The following TCERG1L variants were observed in gnomAD, a reference collection of about 807,000 sequenced individuals.
TCERG1L encodes the protein transcription elongation regulator 1-like protein.
A neutral mutation model predicts 56.3 loss-of-function variants in TCERG1L; 37 were observed. That is an observed-to-expected ratio of 0.66 (90% CI 0.51 to 0.87). The LOEUF (loss-of-function observed/expected upper bound fraction) is 0.87. TCERG1L is among the 40% of genes least tolerant of loss of function. TCERG1L has a pLI of 0.00. For synonymous variants in TCERG1L, 324 were observed against 326.3 expected, an observed-to-expected ratio of 0.99 and a Z score of 0.08; for missense variants, 799 against 774.2, an observed-to-expected ratio of 1.03 and a Z score of -0.38.
chr10:131,288,150 T>G (rs1846566039), intron 3 of TCERG1L, among the ~76,000 whole-genome samples: 1 of 152,172 alleles, frequency 6.6e-6, no homozygotes, highest in Non-Finnish European at 1.5e-5. Flanking sequence ...CCTGCCAGTC[T>G]CTGAAGGCTT....
intron 4 of TCERG1L, among the ~76,000 whole-genome samples, chr10:131,174,083 G>A (rs1846120911): frequency 6.6e-6 from 1 of 152,142 alleles, no homozygotes; most frequent in Non-Finnish European, 1.5e-5. Flanking sequence ...AGGGTCCTCT[G>A]GTCCATCCCC....
At chr10:131,265,750 A>G (rs547967292) in intron 3 of TCERG1L, among the ~76,000 whole-genome samples, 1 of 152,398 alleles carries the variant, frequency 6.6e-6, no homozygotes, top group Non-Finnish European at 1.5e-5. Context: ...TTGCTAAAAA[A>G]TATTAGAGAT....
intron 6 of TCERG1L, among the ~76,000 whole-genome samples, chr10:131,146,930 G>C (rs1845801821): frequency 6.6e-6 from 1 of 152,192 alleles, no homozygotes; most frequent in South Asian, 2.1e-4. Context: ...AGCTCATCAA[G>C]GTCACAGGCA....
intron 9 of TCERG1L, among the ~76,000 whole-genome samples, chr10:131,114,605 G>A (rs1845437671): frequency 6.6e-6 from 1 of 152,120 alleles, no homozygotes; most frequent in Non-Finnish European, 1.5e-5. Flanking sequence ...GGGGTAAAAA[G>A]GCCCTGAAAA....
At chr10:131,147,386 G>A (rs1237940242) in intron 6 of TCERG1L, among the ~76,000 whole-genome samples, 1 of 152,340 alleles carries the variant, frequency 6.6e-6, no homozygotes, top group African/African-American at 2.4e-5. Flanking sequence ...TAAGGAATGC[G>A]GGTCCGGGAG....
chr10:131,255,578 T>C (rs112162957), intron 4 of TCERG1L, among the ~76,000 whole-genome samples: 3,165 of 152,356 alleles, frequency 0.021, 116 homozygotes, highest in African/African-American at 0.071. Flanking sequence ...GTATTCTCTA[T>C]ACTGGACATA....
At chr10:131,124,049 G>A (rs1845540574) in intron 8 of TCERG1L, among the ~76,000 whole-genome samples, 1 of 152,280 alleles carries the variant, frequency 6.6e-6, no homozygotes, top group Admixed American at 6.5e-5. Context: ...TAGAGTGGGG[G>A]ACACTTTTCT....
In TCERG1L at chr10:131,093,001, A is replaced by T. The variant is rs761220698; in HGVS notation, c.*161T>A. 1.0e-4 allele frequency: 65 copies of T among 625,818 alleles called. No individual in the cohort carries two copies. The highest frequency in any genetic ancestry group is 1.6e-4 in the Non-Finnish European group (60 of 369,844). The allele number at this position is 625,818 out of a possible 1,614,324, so 38.8% of individuals were successfully genotyped here. ...AATGTACAAAAGAGAGAGCTTCAAT[A>T]TGAAACAGTAATCCTCTGAGAACGA... On this transcript the variant is annotated 3_prime_UTR_variant, in exon 12 of 12. Transcript: ENST00000368642.
chr10:131,236,672 G>C (rs1845916433), intron 4 of TCERG1L, among the ~76,000 whole-genome samples: 1 of 152,180 alleles, frequency 6.6e-6, no homozygotes, highest in South Asian at 2.1e-4. Flanking sequence ...CTCCCTCCTT[G>C]GAGCCCAGCT....
intron 4 of TCERG1L, among the ~76,000 whole-genome samples, chr10:131,229,451 T>C (rs188170347): frequency 3.6e-4 from 55 of 152,280 alleles, no homozygotes; most frequent in Non-Finnish European, 5.9e-4. Flanking sequence ...TGCCCACATA[T>C]AGGTCTCCGA....
At chr10:131,310,359 T>A (rs1846872586) in intron 1 of TCERG1L, among the ~76,000 whole-genome samples, 1 of 152,216 alleles carries the variant, frequency 6.6e-6, no homozygotes, top group Non-Finnish European at 1.5e-5. Context: ...GTGCTGCATA[T>A]GTGATGTATC....
intron 3 of TCERG1L, among the ~76,000 whole-genome samples, chr10:131,285,339 C>T (rs2133566718): frequency 6.9e-6 from 1 of 144,858 alleles, no homozygotes; most frequent in South Asian, 2.2e-4. Context: ...GATTGCCCTG[C>T]ATTCTAGCCT....
At chr10:131,272,477 C>A (rs1276586857) in intron 3 of TCERG1L, among the ~76,000 whole-genome samples, 1 of 152,176 alleles carries the variant, frequency 6.6e-6, no homozygotes, top group Non-Finnish European at 1.5e-5. Flanking sequence ...GCTCCACGGG[C>A]CCCTTTCATC....
At chr10:131,285,049 T>C (rs1393133611) in intron 3 of TCERG1L, among the ~76,000 whole-genome samples, 1 of 152,086 alleles carries the variant, frequency 6.6e-6, no homozygotes, top group East Asian at 1.9e-4. Flanking sequence ...GAATCCAGTA[T>C]AGCTTTCACA....
intron 4 of TCERG1L, among the ~76,000 whole-genome samples, chr10:131,245,934 C>G (rs1357882740): frequency 6.6e-6 from 1 of 152,044 alleles, no homozygotes; most frequent in Admixed American, 6.5e-5. Flanking sequence ...GCAGGCAGCG[C>G]CAGGGAGCAA....
At chr10:131,185,016 G>A (rs1048286029) in intron 4 of TCERG1L, among the ~76,000 whole-genome samples, 6 of 152,166 alleles carry the variant, frequency 3.9e-5, no homozygotes, top group African/African-American at 1.4e-4. Flanking sequence ...GATCACCTGA[G>A]CCTGGGGAGG....
chr10:131,276,646 T>C (rs1219166136), intron 3 of TCERG1L, among the ~76,000 whole-genome samples: 1 of 152,242 alleles, frequency 6.6e-6, no homozygotes, highest in East Asian at 1.9e-4. Context: ...CCTGCTTTGC[T>C]GAGTCTATCT....
chr10:131,179,581 C>T (rs894521701), intron 4 of TCERG1L, among the ~76,000 whole-genome samples: 1 of 152,122 alleles, frequency 6.6e-6, no homozygotes, highest in African/African-American at 2.4e-5. Flanking sequence ...TGTGACCCTG[C>T]AAAGTTCACA....
intron 4 of TCERG1L, among the ~76,000 whole-genome samples, chr10:131,170,746 C>G (rs1312475852): frequency 6.6e-6 from 1 of 152,156 alleles, no homozygotes; most frequent in Non-Finnish European, 1.5e-5. Flanking sequence ...ATTAGACACT[C>G]CTCTCCTCCT....
Sources: gnomAD v4.1 joint callset for allele counts (sites outside exome capture counted in the v4.1 genomes callset) on GRCh38, gnomAD v4.1.1 for gene constraint, MANE v1.5 for transcripts, NCBI Gene and HGNC (gene_info 2026-07-23, HGNC 2026-07-21) for gene names.